FCER1A: variants seen among roughly 807,000 people sequenced by gnomAD.
The protein encoded by FCER1A is Fc epsilon receptor Ia, also known as high affinity immunoglobulin epsilon receptor subunit alpha.
Under a neutral mutation model 23.6 loss-of-function variants are expected in FCER1A, and 24 were observed. The ratio of observed to expected loss-of-function variants is 1.02; its 90% CI spans 0.74 to 1.43. The LOEUF is 1.43. FCER1A is among the 40% of genes most tolerant of loss of function. FCER1A has a pLI of 0.00. For missense variants in FCER1A, 318 were observed against 294.5 expected, an observed-to-expected ratio of 1.08 and a Z score of -0.58; for synonymous variants, 121 against 108.8, an observed-to-expected ratio of 1.11 and a Z score of -0.70.
chr1:159,298,508 C>T (rs1652352150), upstream of FCER1A, among the ~76,000 whole-genome samples: 3 of 152,096 alleles, frequency 2.0e-5, no homozygotes, highest in African/African-American at 7.2e-5. Flanking sequence ...TACTTTTAGA[C>T]CCATTCAGGT....
chr1:159,288,006 TAAG>T (rs1652059260), upstream of FCER1A, among the ~76,000 whole-genome samples: 1 of 152,018 alleles, frequency 6.6e-6, no homozygotes, highest in African/African-American at 2.4e-5. Flanking sequence ...GAGGATGTGA[TAAG>T]GAGCTAGACC....
chr1:159,297,499 C>A (rs1195418683), upstream of FCER1A, among the ~76,000 whole-genome samples: 1 of 152,138 alleles, frequency 6.6e-6, no homozygotes, highest in Non-Finnish European at 1.5e-5. Context: ...TCTGTTCTAA[C>A]CACCTCACCA....
At chr1:159,307,415 T>A (rs1652647859) in intron 4 of FCER1A, among the ~76,000 whole-genome samples, 1 of 152,216 alleles carries the variant, frequency 6.6e-6, no homozygotes, top group South Asian at 2.1e-4. Flanking sequence ...CCTCACTTTG[T>A]CCCCTTTCCA....
chr1:159,291,968 G>A (rs1557966356), intron 1 of FCER1A, among the ~76,000 whole-genome samples: 1 of 151,992 alleles, frequency 6.6e-6, no homozygotes, highest in Non-Finnish European at 1.5e-5. Context: ...CTCTAGAATT[G>A]TACTCTCTTC....
At chr1:159,292,637 G>A (rs987841341) in intron 1 of FCER1A, among the ~76,000 whole-genome samples, 6 of 151,930 alleles carry the variant, frequency 3.9e-5, no homozygotes, top group Non-Finnish European at 7.4e-5. Flanking sequence ...TAGATAGATC[G>A]GTAGACGTTG....
upstream of FCER1A, among the ~76,000 whole-genome samples, chr1:159,298,826 A>G (rs573151075): frequency 5.3e-5 from 8 of 152,318 alleles, no homozygotes; most frequent in East Asian, 1.5e-3. Flanking sequence ...TAGAACAGAA[A>G]GTTGGTTTAG....
rs534442450 is a variant in FCER1A, at chr1:159,307,552, T to A, written c.590-196T>A. 3.9e-5 allele frequency among the ~76,000 whole-genome samples: 6 copies of A among 152,328 alleles called. No individual in the cohort carries two copies. The South Asian group carries it at 1.2e-3, about 32-fold the overall frequency. Reference sequence around the variant, plus strand: ...AAGAGGAAATGCTTAGGACTCCCTGTGGCTCCAGGGAGCACCAACAGAGCA... The same window carrying A: ...AAGAGGAAATGCTTAGGACTCCCTGAGGCTCCAGGGAGCACCAACAGAGCA... On this transcript the variant is annotated intron_variant, in intron 4 of 4. Coordinates refer to ENST00000693622, the MANE Select transcript of FCER1A (RefSeq NM_001387280.1).
intron 1 of FCER1A, among the ~76,000 whole-genome samples, chr1:159,295,935 C>T (rs1652283704): frequency 6.6e-6 from 1 of 152,086 alleles, no homozygotes; most frequent in South Asian, 2.1e-4. Flanking sequence ...ATAAGTGGTG[C>T]TCAATGATGC....
upstream of FCER1A, chr1:159,302,307 C>G (rs1000886233): frequency 1.6e-6 from 2 of 1,223,824 alleles, no homozygotes; most frequent in Admixed American, 3.4e-5. Context: ...GGTTTTAAGC[C>G]TATATTTGAA....
At position 159,302,863 on chromosome 1, in the gene FCER1A, G is replaced by A. The variant is rs1652478332; in HGVS notation, c.65G>A (p.Gly22Asp). ...CTCTGGACTTTTGCAGCTCCAGATGGCGTGTTAGCAGGTGAGTCCTCTGTT... is the reference window on the plus strand; with the variant it reads ...CTCTGGACTTTTGCAGCTCCAGATGACGTGTTAGCAGGTGAGTCCTCTGTT... ...CVALLFFAPD[G>D]VLAVPQKPKV... The change falls in exon 2 of 5, where the codon GGC (glycine) becomes GAC (aspartate). Residue 22 changes from glycine to aspartate, a missense_variant. Coordinates refer to ENST00000693622, the MANE Select transcript of FCER1A (RefSeq NM_001387280.1). 1 of 1,613,966 alleles carries A rather than the reference G, an allele frequency of 6.2e-7. No individual in the cohort carries two copies. Among genetic ancestry groups the A allele is most frequent in the African/African-American group, 1.3e-5 (1 of 75,022 alleles).
intron 2 of FCER1A, 34 bp from the exon 3 acceptor site, chr1:159,303,894 C>G (rs1209314381): frequency 1.3e-6 from 2 of 1,576,670 alleles, no homozygotes; most frequent in South Asian, 1.1e-5. Context: ...TTTTTTCTCT[C>G]TACATGTCTT....
intron 3 of FCER1A, among the ~76,000 whole-genome samples, chr1:159,305,656 CTG>C (rs1216147423): frequency 3.9e-5 from 6 of 152,010 alleles, no homozygotes; most frequent in Non-Finnish European, 7.4e-5. Flanking sequence ...CCAAGAAAGA[CTG>C]TTTATTTTCC....
upstream of FCER1A, among the ~76,000 whole-genome samples, chr1:159,286,430 T>A (rs545817829): frequency 8.7e-4 from 132 of 151,800 alleles, 1 homozygote; most frequent in Admixed American, 2.1e-3. Flanking sequence ...CCTCCCGGGT[T>A]CATGCCATTC....
At chr1:159,305,295 G>A (rs146618481) in intron 3 of FCER1A, among the ~76,000 whole-genome samples, 3 of 152,272 alleles carry the variant, frequency 2.0e-5, no homozygotes, top group South Asian at 2.1e-4. Flanking sequence ...TTTAATGAAT[G>A]CTTTTTAATT....
At chr1:159,288,363 T>C (rs1375654442), upstream of FCER1A, among the ~76,000 whole-genome samples, 1 of 152,072 alleles carries the variant, frequency 6.6e-6, no homozygotes, top group Admixed American at 6.5e-5. Context: ...ATCGGACTAT[T>C]CTTGGTTCTT....
upstream of FCER1A, among the ~76,000 whole-genome samples, chr1:159,298,692 A>G (rs1652355844): frequency 1.3e-5 from 2 of 152,182 alleles, no homozygotes; most frequent in Non-Finnish European, 2.9e-5. Flanking sequence ...AAAGGAAAGA[A>G]TCCCTCTCTC....
chr1:159,299,749 A>C (rs11809585), upstream of FCER1A, among the ~76,000 whole-genome samples: 3 of 152,074 alleles, frequency 2.0e-5, no homozygotes, highest in African/African-American at 7.2e-5. Context: ...CAGATAATGG[A>C]TATGAAACTT....
intron 1 of FCER1A, among the ~76,000 whole-genome samples, chr1:159,293,602 T>G (rs1485492096): frequency 7.2e-6 from 1 of 138,538 alleles, no homozygotes; most frequent in Non-Finnish European, 1.5e-5. Flanking sequence ...GTCCATGTGT[T>G]CTCATTGTTC....
chr1:159,291,771 G>A (rs1048030182), intron 1 of FCER1A, among the ~76,000 whole-genome samples: 7 of 152,102 alleles, frequency 4.6e-5, no homozygotes, highest in Middle Eastern at 6.8e-3. Flanking sequence ...AATATTGTCC[G>A]CACATGTTGC....
Sources: allele counts gnomAD v4.1 joint callset (sites outside exome capture counted in the v4.1 genomes callset), GRCh38; gene constraint gnomAD v4.1.1; transcripts MANE v1.5; gene names NCBI Gene and HGNC (gene_info 2026-07-23, HGNC 2026-07-21).